KCNC2: variants seen among roughly 807,000 people sequenced by gnomAD.
KCNC2 encodes voltage-gated potassium channel KCNC2.
A neutral mutation model predicts 44.5 loss-of-function variants in KCNC2; 21 were observed. The observed-to-expected ratio is 0.47, with a 90% CI of 0.33 to 0.68. The LOEUF (loss-of-function observed/expected upper bound fraction) is 0.68, where lower values mean the gene tolerates loss of function less well. KCNC2 is among the 30% of genes least tolerant of loss of function. The probability of loss-of-function intolerance (pLI) is 0.01; values close to 1 mark genes in which losing one functional copy is unlikely to be tolerated. For synonymous variants in KCNC2, 391 were observed against 339.1 expected (o/e 1.15, Z -1.68); for missense variants, 589 against 826.2 (o/e 0.71, Z 3.52).
chr12:75,141,665 C>T (rs747930358), intron 2 of KCNC2, among the ~76,000 whole-genome samples: 26 of 151,990 alleles, frequency 1.7e-4, no homozygotes, highest in African/African-American at 3.4e-4. Flanking sequence ...ACTTTCAATG[C>T]GATGTTTCCA....
At chr12:75,048,097 T>C in intron 4 of KCNC2, 56 bp downstream of exon 4, 1 of 1,491,064 alleles carries the variant, frequency 6.7e-7, no homozygotes, top group Admixed American at 1.7e-5. Context: ...ACTCCATGTA[T>C]TTCCAACAGT....
At chr12:75,057,446 C>T (rs1407126961) in intron 2 of KCNC2, among the ~76,000 whole-genome samples, 7 of 151,978 alleles carry the variant, frequency 4.6e-5, no homozygotes, top group African/African-American at 7.2e-5. Flanking sequence ...TCAGTTTCTT[C>T]TGAGGCTGTT....
intron 2 of KCNC2, among the ~76,000 whole-genome samples, chr12:75,090,182 C>A (rs2137124741): frequency 6.6e-6 from 1 of 151,900 alleles, no homozygotes; most frequent in South Asian, 2.1e-4. Context: ...ACATTACTTT[C>A]AGAAATGCTA....
intron 2 of KCNC2, among the ~76,000 whole-genome samples, chr12:75,144,124 C>A (rs1831101182): frequency 6.6e-6 from 1 of 152,086 alleles, no homozygotes; most frequent in Admixed American, 6.5e-5. Flanking sequence ...TTTTATTGTA[C>A]AAAGATAGAT....
intron 1 of KCNC2, among the ~76,000 whole-genome samples, chr12:75,208,899 C>T (rs942602142): frequency 6.6e-6 from 1 of 152,078 alleles, no homozygotes; most frequent in Non-Finnish European, 1.5e-5. Flanking sequence ...TAGAAGTGAT[C>T]AATGCATCCC....
chr12:75,147,397 C>T (rs1890098014), intron 2 of KCNC2, among the ~76,000 whole-genome samples: 1 of 152,064 alleles, frequency 6.6e-6, no homozygotes, highest in African/African-American at 2.4e-5. Context: ...CACTTTCTTA[C>T]CATCATATTC....
At chr12:75,063,012 G>A (rs1026077989) in intron 2 of KCNC2, among the ~76,000 whole-genome samples, 1 of 151,942 alleles carries the variant, frequency 6.6e-6, no homozygotes, top group Non-Finnish European at 1.5e-5. Flanking sequence ...AGACAGCTAT[G>A]GATTGTTCTT....
intron 2 of KCNC2, among the ~76,000 whole-genome samples, chr12:75,054,051 C>T (rs1393312272): frequency 6.6e-6 from 1 of 151,070 alleles, no homozygotes; most frequent in Non-Finnish European, 1.5e-5. Context: ...GGTGAAACCC[C>T]GTCTCTACTA....
chr12:75,159,441 A>G (rs1212494909), intron 2 of KCNC2, among the ~76,000 whole-genome samples: 2 of 151,824 alleles, frequency 1.3e-5, no homozygotes, highest in Non-Finnish European at 2.9e-5. Flanking sequence ...ACAGTGTATG[A>G]CTGCCTGTTG....
intron 2 of KCNC2, among the ~76,000 whole-genome samples, chr12:75,142,586 A>C (rs112217692): frequency 4.6e-5 from 7 of 152,322 alleles, no homozygotes; most frequent in African/African-American, 1.7e-4. Context: ...CTTCTGCTCC[A>C]TGTGGCATTA....
intron 2 of KCNC2, among the ~76,000 whole-genome samples, chr12:75,200,469 C>T (rs779209749): frequency 6.6e-5 from 10 of 151,890 alleles, no homozygotes; most frequent in East Asian, 5.8e-4. Context: ...CATGCACACA[C>T]GCACTTCTCA....
At chr12:75,181,941 TTTTTTTTTTTTTTG>T (rs1385362680) in intron 2 of KCNC2, among the ~76,000 whole-genome samples, 4 of 111,562 alleles carry the variant, frequency 3.6e-5, no homozygotes, top group Non-Finnish European at 5.5e-5. Flanking sequence ...TTTTTTTTTT[TTTTTTTTTTTTTTG>T]TAGAGACAAG....
rs1593088096 is a variant in KCNC2 at position 75,201,699 on chromosome 12, C to T, written c.687+5598G>A. ...CTTTCTATGAAAATATTGACTACAC[C>T]GTGTTAGGATTATTACCATCCCTCA... On this transcript the variant is annotated intron_variant, in intron 2 of 4. Transcript: ENST00000549446. Among the ~76,000 whole-genome samples the T allele has an allele frequency of 2.0e-5, 3 of 151,744 alleles. No homozygotes were observed. The South Asian group carries it at 6.2e-4, about 31-fold the overall frequency.
Position 75,194,939 on chromosome 12 carries a change from T to G in KCNC2, c.687+12358A>C, listed in dbSNP as rs150889079. Among the ~76,000 whole-genome samples, 567 of 152,312 alleles carry G rather than the reference T, an allele frequency of 3.7e-3. 1 individual carries two copies. Among genetic ancestry groups the G allele is most frequent in the African/African-American group, 0.013 (533 of 41,554 alleles). ...CCCAGTTTAATACCTGCTTTCATTTTTATTTTTCTTCCTCACTACCTTTGC... is the reference window on the plus strand; with the variant it reads ...CCCAGTTTAATACCTGCTTTCATTTGTATTTTTCTTCCTCACTACCTTTGC... On this transcript the variant is annotated intron_variant, in intron 2 of 4. Transcript: ENST00000549446.
At chr12:75,099,813 C>G (rs944776106) in intron 2 of KCNC2, among the ~76,000 whole-genome samples, 1 of 151,972 alleles carries the variant, frequency 6.6e-6, no homozygotes, top group Non-Finnish European at 1.5e-5. Flanking sequence ...CAGAGTGAAC[C>G]AAATAACTGT....
chr12:75,114,107 T>C lies in KCNC2; in HGVS notation c.688-62790A>G, dbSNP rs79549118. ...AATCTAATTTATACTTTAATTTTATTCAACTAAATTTTTAATTTGAAGTGG... is the reference window on the plus strand; with the variant it reads ...AATCTAATTTATACTTTAATTTTATCCAACTAAATTTTTAATTTGAAGTGG... On this transcript the variant is annotated intron_variant, in intron 2 of 4. Coordinates refer to ENST00000549446, the MANE Select transcript of KCNC2 (RefSeq NM_139137.4). Among the ~76,000 whole-genome samples, 247 of 152,324 alleles carry C rather than the reference T, an allele frequency of 1.6e-3. 2 individuals are homozygous for C. Among genetic ancestry groups the C allele is most frequent in the African/African-American group, 5.8e-3 (240 of 41,570 alleles).
At chr12:75,176,886 A>C (rs1172938313) in intron 2 of KCNC2, among the ~76,000 whole-genome samples, 1 of 151,876 alleles carries the variant, frequency 6.6e-6, no homozygotes, top group African/African-American at 2.4e-5. Context: ...TGCTCTTATC[A>C]TCAACATTTC....
chr12:75,065,421 G>C (rs1163567862), intron 2 of KCNC2, among the ~76,000 whole-genome samples: 2 of 151,968 alleles, frequency 1.3e-5, no homozygotes, highest in Non-Finnish European at 1.5e-5. Context: ...TTTTAACTTA[G>C]AGTTAAATGT....
At chr12:75,069,129 C>CATTTTTTTTT (rs1883128691) in intron 2 of KCNC2, among the ~76,000 whole-genome samples, 1 of 63,648 alleles carries the variant, frequency 1.6e-5, no homozygotes. Flanking sequence ...TTTATATAAT[C>CATTTTTTTTT]TTTTTTTTTT....
Sources: allele counts gnomAD v4.1 joint callset (sites outside exome capture counted in the v4.1 genomes callset), GRCh38; gene constraint gnomAD v4.1.1; transcripts MANE v1.5; gene names NCBI Gene and HGNC (gene_info 2026-07-23, HGNC 2026-07-21).